PARP11: variants seen among roughly 807,000 people sequenced by gnomAD.
PARP11 encodes the protein poly(ADP-ribose) polymerase family member 11, also known as protein mono-ADP-ribosyltransferase PARP11.
In PARP11, 31 loss-of-function variants were observed where a neutral mutation model predicts 42.9. The observed-to-expected ratio is 0.72, with a 90% CI of 0.54 to 0.98. PARP11 has a LOEUF of 0.98. Among genes scored for constraint, PARP11 ranks in the 50% least tolerant of loss-of-function variants. The pLI, the probability that PARP11 is intolerant of heterozygous loss-of-function variation, is 0.00. For synonymous variants in PARP11, 137 were observed against 127.3 expected, an observed-to-expected ratio of 1.08 and a Z score of -0.51; for missense variants, 365 against 413.1, an observed-to-expected ratio of 0.88 and a Z score of 1.01.
At chr12:3,824,234 T>G (rs1007940761) in intron 4 of PARP11, among the ~76,000 whole-genome samples, 2 of 152,236 alleles carry the variant, frequency 1.3e-5, no homozygotes, top group African/African-American at 2.4e-5. Context: ...TGAGGTTGTA[T>G]GAACTGTTCA....
intron 1 of PARP11, among the ~76,000 whole-genome samples, chr12:3,830,664 T>C: frequency 6.6e-6 from 1 of 152,168 alleles, no homozygotes; most frequent in East Asian, 1.9e-4. Flanking sequence ...GTAACCTTTA[T>C]ATTACTTACT....
intron 1 of PARP11, chr12:3,872,845 TA>T: frequency 1.0e-6 from 1 of 980,216 alleles, no homozygotes; most frequent in Non-Finnish European, 1.2e-6. Context: ...ACAATCGCTT[TA>T]ACCCGGGAGA....
At chr12:3,838,620 A>C (rs960335554) in intron 1 of PARP11, among the ~76,000 whole-genome samples, 3 of 152,244 alleles carry the variant, frequency 2.0e-5, no homozygotes, top group African/African-American at 7.2e-5. Context: ...ATAAATAAAT[A>C]AAATTGAGAC....
intron 1 of PARP11, among the ~76,000 whole-genome samples, chr12:3,853,935 C>T (rs1415697116): frequency 6.6e-6 from 1 of 152,176 alleles, no homozygotes; most frequent in Non-Finnish European, 1.5e-5. Flanking sequence ...AACAAACTGT[C>T]TCTCAGACCA....
intron 1 of PARP11, chr12:3,842,391 G>A: frequency 6.2e-7 from 1 of 1,611,356 alleles, no homozygotes; most frequent in Non-Finnish European, 8.5e-7. Context: ...AGGAGTCCTG[G>A]AAAGGACAGC....
At chr12:3,841,112 T>A in intron 1 of PARP11, 2 of 1,611,304 alleles carry the variant, frequency 1.2e-6, no homozygotes, top group East Asian at 4.5e-5. Context: ...ATACAGGCAG[T>A]TAACCAGCCC....
At chr12:3,817,419 T>A (rs1947315156) in intron 6 of PARP11, among the ~76,000 whole-genome samples, 1 of 152,058 alleles carries the variant, frequency 6.6e-6, no homozygotes, top group South Asian at 2.1e-4. Context: ...AAGCTTTGTA[T>A]CCCCACAGCA....
Position 3,836,066 on chromosome 12 carries a change from T to C in PARP11, c.19-6048A>G, listed in dbSNP as rs539633959. Reference sequence around the variant, plus strand: ...ATATATACACACACTCACACACATATATATGTGTGTGTATAGATATAAATC... The same window carrying C: ...ATATATACACACACTCACACACATACATATGTGTGTGTATAGATATAAATC... On this transcript the variant is annotated intron_variant, in intron 1 of 7. Transcript: ENST00000228820. Among the ~76,000 whole-genome samples the C allele has an allele frequency of 4.0e-4, 61 of 152,006 alleles. 1 individual carries two copies. In the South Asian group the frequency reaches 0.013, roughly 32 times the overall value.
rs1591781375 is a variant in PARP11, at chr12:3,840,738, A to G, written c.19-10720T>C. The stretch of plus-strand genomic sequence containing the variant: ...AAAGACAAAGACTCTATTCATGGAC[A>G]TAGTTGGATAAAAGACCCGAACCAA... On this transcript the variant is annotated intron_variant, in intron 1 of 7. Coordinates refer to ENST00000228820, the MANE Select transcript of PARP11 (RefSeq NM_020367.6). The surrounding 1 kb of genome is among the most constrained non-coding windows in gnomAD (Gnocchi z 4.4). 1.5e-6 allele frequency: 2 copies of G among 1,314,472 alleles called. No individual in the cohort carries two copies. Among genetic ancestry groups the G allele is most frequent in the East Asian group, 2.3e-5 (1 of 43,508 alleles). 81.4% of individuals were successfully genotyped at this position (1,314,472 alleles called of 1,614,324 possible).
At chr12:3,842,684 G>A (rs1207075709) in intron 1 of PARP11, among the ~76,000 whole-genome samples, 1 of 152,138 alleles carries the variant, frequency 6.6e-6, no homozygotes, top group Non-Finnish European at 1.5e-5. Context: ...GAGTTCAAGG[G>A]GGCAGGTTAA....
chr12:3,852,809 C>G (rs1229065838), intron 1 of PARP11, among the ~76,000 whole-genome samples: 1 of 152,124 alleles, frequency 6.6e-6, no homozygotes, highest in East Asian at 1.9e-4. Flanking sequence ...TTGAGACGAG[C>G]AACCCCAAGA....
At chr12:3,832,788 T>C (rs1392603572) in intron 1 of PARP11, among the ~76,000 whole-genome samples, 1 of 152,224 alleles carries the variant, frequency 6.6e-6, no homozygotes. Flanking sequence ...TAATGTTAGA[T>C]GAATGAACTT....
intron 1 of PARP11, chr12:3,872,900 T>A (rs985777691): frequency 2.5e-5 from 13 of 521,482 alleles, no homozygotes; most frequent in Non-Finnish European, 3.2e-5. Context: ...CACTCCAGCC[T>A]GGACAACAGT....
Position 3,840,565 on chromosome 12 carries a change from G to C in PARP11, c.19-10547C>G. On this transcript the variant is annotated intron_variant, in intron 1 of 7. Transcript: ENST00000228820. This position sits in a 1 kb window ranked among gnomAD's most constrained non-coding sequence, Gnocchi z 4.4. Reference sequence around the variant, plus strand: ...ACCTTCACAGATCATAAGAAAACCTGATCGTGAAAGAGTTGAGGATTCTGA... The same window carrying C: ...ACCTTCACAGATCATAAGAAAACCTCATCGTGAAAGAGTTGAGGATTCTGA... 1 of 1,541,942 alleles carries C rather than the reference G, an allele frequency of 6.5e-7. No homozygotes were observed. The highest frequency in any genetic ancestry group is 9.0e-7 in the Non-Finnish European group (1 of 1,114,452).
chr12:3,821,870 C>T lies in PARP11; in HGVS notation c.548+3G>A. The T allele has an allele frequency of 1.2e-6, 2 of 1,603,936 alleles. No homozygotes were observed. Among genetic ancestry groups the T allele is most frequent in the Non-Finnish European group, 1.7e-6 (2 of 1,177,758 alleles). On this transcript the variant is annotated splice_donor_region_variant and intron_variant, in intron 6 of 7. Transcript: ENST00000228820. ...AGAAGTTTCAGATTAGAAATCATCT[C>T]ACCTGCAAAAGAACTCCCACAAATC...
Position 3,828,628 on chromosome 12 carries a change from T to TA in PARP11, c.268+281dup, listed in dbSNP as rs561850874. Among the ~76,000 whole-genome samples the TA allele has an allele frequency of 4.7e-4, 71 of 151,960 alleles. No homozygotes were observed. The East Asian group carries it at 0.013, about 29-fold the overall frequency. ...CTGATGGGATGAATAAAACAACTGA[T>TA]ACGGTGTTTTGTGTTCCTTAGAAGA... On this transcript the variant is annotated intron_variant, in intron 3 of 7. Coordinates refer to ENST00000228820, the MANE Select transcript of PARP11 (RefSeq NM_020367.6).
intron 3 of PARP11, among the ~76,000 whole-genome samples, chr12:3,828,081 G>A (rs1947562675): frequency 6.6e-6 from 1 of 152,128 alleles, no homozygotes; most frequent in Non-Finnish European, 1.5e-5. Context: ...CAGATTATCT[G>A]GCTAATCTGT....
chr12:3,832,078 C>T, intron 1 of PARP11: 2 of 830,044 alleles, frequency 2.4e-6, no homozygotes, highest in Non-Finnish European at 2.9e-6. Flanking sequence ...ATACAGCATA[C>T]ATATAACATG....
Position 3,821,928 on chromosome 12 carries a change from G to C in PARP11, c.493C>G (p.Arg165Gly). The C allele has an allele frequency of 1.2e-6, 2 of 1,610,406 alleles. No homozygotes were observed. Among genetic ancestry groups the C allele is most frequent in the Non-Finnish European group, 1.7e-6 (2 of 1,179,078 alleles). The change falls in exon 6 of 8, where the codon CGA (arginine) becomes GGA (glycine). Residue 165 changes from arginine (R) to glycine (G), a missense_variant. Coordinates refer to ENST00000228820, the MANE Select transcript of PARP11 (RefSeq NM_020367.6). ...TGAATTCTCTGAATTCTTTTAATTC[G>C]GTTGCGATCCATCGTCTTCCCAAAG... ...NLFGKTMDRN[R>G]IKRIQRIQNL... is the part of the protein sequence containing the mutation.
Sources: gnomAD v4.1 joint callset for allele counts (sites outside exome capture counted in the v4.1 genomes callset) on GRCh38, gnomAD v4.1.1 for gene constraint, Gnocchi (gnomAD v3.1) non-coding constraint, MANE v1.5 for transcripts, NCBI Gene and HGNC (gene_info 2026-07-23, HGNC 2026-07-21) for gene names.